KLHL13: variants seen among roughly 807,000 people sequenced by gnomAD.
KLHL13 encodes the protein kelch like family member 13.
A neutral mutation model predicts 37.1 loss-of-function variants in KLHL13; 10 were observed. The observed-to-expected ratio is 0.27, with a 90% CI of 0.17 to 0.46. The LOEUF is 0.46. KLHL13 is among the 20% of genes least tolerant of loss of function. The pLI is 1.00. For synonymous variants in KLHL13, 163 were observed against 181.2 expected, an observed-to-expected ratio of 0.90 and a Z score of 0.81; for missense variants, 360 against 509.3, an observed-to-expected ratio of 0.71 and a Z score of 2.82.
chrX:118,013,040 C>A (rs1375650754), intron 1 of KLHL13, among the ~76,000 whole-genome samples: 2 of 112,130 alleles, frequency 1.8e-5, no homozygotes, highest in Non-Finnish European at 3.8e-5. Context: ...TTTATTCATT[C>A]ATTCAGCAAA....
chrX:117,901,898 G>T, exon 6 of KLHL13: 1 of 1,193,804 alleles, frequency 8.4e-7, no homozygotes, highest in Non-Finnish European at 1.1e-6. Flanking sequence ...ACTCATTTTG[G>T]CAACATAGGT....
chrX:118,052,512 A>T (rs184578982), intron 1 of KLHL13, among the ~76,000 whole-genome samples: 60 of 91,836 alleles, frequency 6.5e-4, no homozygotes, highest in African/African-American at 2.5e-3. Context: ...ACAGAGCAAG[A>T]CTCCGTCTCA....
intron 1 of KLHL13, among the ~76,000 whole-genome samples, chrX:118,061,073 G>T (rs897246437): frequency 2.7e-5 from 3 of 111,614 alleles, no homozygotes; most frequent in Non-Finnish European, 3.8e-5. Flanking sequence ...GGTTTCAGGA[G>T]GGCACAATTC....
chrX:117,948,920 C>A (rs1276978667), intron 1 of KLHL13, among the ~76,000 whole-genome samples: 1 of 112,074 alleles, frequency 8.9e-6, no homozygotes, highest in African/African-American at 3.2e-5. Context: ...CAAACATACA[C>A]AGACTGTGGC....
chrX:118,065,266 C>A (rs954991004), intron 1 of KLHL13, among the ~76,000 whole-genome samples: 2 of 111,496 alleles, frequency 1.8e-5, no homozygotes, highest in Non-Finnish European at 3.8e-5. Context: ...TTTTTATAAA[C>A]TTCTACATTC....
chrX:117,920,892 T>C (rs1931661442), intron 2 of KLHL13, among the ~76,000 whole-genome samples: 1 of 111,666 alleles, frequency 9.0e-6, no homozygotes, highest in Admixed American at 9.6e-5. Context: ...TTGAGAAGCC[T>C]ATACTCAGTA....
intron 1 of KLHL13, among the ~76,000 whole-genome samples, chrX:118,067,543 ACTTAG>A (rs930838208): frequency 8.9e-6 from 1 of 111,988 alleles, no homozygotes; most frequent in African/African-American, 3.2e-5. Flanking sequence ...TTTTGTAATA[ACTTAG>A]CTTAAAACAC....
chrX:118,081,404 T>TA (rs1163137265), intron 1 of KLHL13, among the ~76,000 whole-genome samples: 2 of 111,429 alleles, frequency 1.8e-5, no homozygotes, highest in Non-Finnish European at 3.8e-5. Flanking sequence ...TCAATATCTA[T>TA]AAAAAAATAA....
intron 1 of KLHL13, among the ~76,000 whole-genome samples, chrX:117,955,038 A>G (rs1184824577): frequency 8.9e-6 from 1 of 112,122 alleles, no homozygotes; most frequent in Non-Finnish European, 1.9e-5. Context: ...GCTAAGGTGC[A>G]TTAAAATCAA....
At chrX:118,084,901 G>A (rs1417375348) in intron 1 of KLHL13, among the ~76,000 whole-genome samples, 2 of 109,751 alleles carry the variant, frequency 1.8e-5, no homozygotes, top group Non-Finnish European at 3.8e-5. Context: ...GGCATGTGGT[G>A]CGGTCCCAGC....
At chrX:118,019,783 G>A (rs1255879047) in intron 1 of KLHL13, among the ~76,000 whole-genome samples, 1 of 105,401 alleles carries the variant, frequency 9.5e-6, no homozygotes, top group Non-Finnish European at 1.9e-5. Flanking sequence ...TCTCAGGTTT[G>A]TCAAAGATCA....
chrX:118,021,198 G>A (rs997820663), intron 1 of KLHL13, among the ~76,000 whole-genome samples: 6 of 107,404 alleles, frequency 5.6e-5, no homozygotes, highest in African/African-American at 2.0e-4. Flanking sequence ...TTAGCATAAT[G>A]TCCTCCACGT....
At chrX:118,060,122 T>C (rs1351996570) in intron 1 of KLHL13, among the ~76,000 whole-genome samples, 2 of 111,893 alleles carry the variant, frequency 1.8e-5, no homozygotes, top group African/African-American at 3.2e-5. Flanking sequence ...ATAAATGCTA[T>C]GAATGAAGGT....
intron 1 of KLHL13, among the ~76,000 whole-genome samples, chrX:118,107,917 G>C (rs370005852): frequency 2.7e-5 from 3 of 111,570 alleles, no homozygotes; most frequent in Non-Finnish European, 5.6e-5. Flanking sequence ...GCCAGGCGTG[G>C]TGGCATGCAC....
At chrX:118,033,614 C>T (rs189163703) in intron 1 of KLHL13, among the ~76,000 whole-genome samples, 10,021 of 109,159 alleles carry the variant, frequency 0.092, 464 homozygotes, top group African/African-American at 0.16. Context: ...AAGGAACAAC[C>T]GGTACCAGCT....
chrX:118,070,548 G>A (rs1397925273), intron 1 of KLHL13, among the ~76,000 whole-genome samples: 1 of 110,620 alleles, frequency 9.0e-6, no homozygotes, highest in Non-Finnish European at 1.9e-5. Context: ...CCATACTTGT[G>A]ATAAGACATT....
At chrX:117,915,143 T>C (rs780984229) in intron 4 of KLHL13, among the ~76,000 whole-genome samples, 7 of 111,437 alleles carry the variant, frequency 6.3e-5, no homozygotes, top group Non-Finnish European at 1.3e-4. Flanking sequence ...TGCATTAAAT[T>C]GCCCTCAAAA....
chrX:117,975,599 C>T (rs919520358), upstream of KLHL13, among the ~76,000 whole-genome samples: 1 of 112,046 alleles, frequency 8.9e-6, no homozygotes, highest in Non-Finnish European at 1.9e-5. Context: ...CCATACTGGT[C>T]AGGCTGGTCT....
chrX:118,100,753 G>C (rs758593747), intron 1 of KLHL13, among the ~76,000 whole-genome samples: 3 of 111,234 alleles, frequency 2.7e-5, no homozygotes, highest in Non-Finnish European at 5.7e-5. Context: ...CAACTAAAGA[G>C]ATCTCAAAAT....
Sources: gnomAD v4.1 joint callset for allele counts (sites outside exome capture counted in the v4.1 genomes callset) on GRCh38, gnomAD v4.1.1 for gene constraint, MANE v1.5 for transcripts, NCBI Gene and HGNC (gene_info 2026-07-23, HGNC 2026-07-21) for gene names.